TMEM132D: variants seen among roughly 807,000 people sequenced by gnomAD.
TMEM132D encodes transmembrane protein 132D, also known as mature OL transmembrane protein.
In TMEM132D, 21 loss-of-function variants were observed where a neutral mutation model predicts 62.3. The ratio of observed to expected loss-of-function variants is 0.34; its 90% CI spans 0.24 to 0.49. The LOEUF is 0.49. Among genes scored for constraint, TMEM132D ranks in the 20% least tolerant of loss-of-function variants. The probability of loss-of-function intolerance (pLI) is 0.99; values close to 1 mark genes in which losing one functional copy is unlikely to be tolerated. For missense variants in TMEM132D, 1,346 were observed against 1,402.8 expected (o/e 0.96, Z 0.65); for synonymous variants, 621 against 575.6 (o/e 1.08, Z -1.13).
chr12:129,685,895 C>T lies in TMEM132D; in HGVS notation c.968+13915G>A, dbSNP rs74836532. On this transcript the variant is annotated intron_variant, in intron 2 of 8. Coordinates refer to ENST00000422113, the MANE Select transcript of TMEM132D (RefSeq NM_133448.3). The stretch of plus-strand genomic sequence containing the variant: ...GTGGGAACTTCAAGATTAATTACCG[C>T]TTCATTGGATTTTGGACTTACATAG... 5.6e-4 allele frequency among the ~76,000 whole-genome samples: 86 copies of T among 152,332 alleles called. No homozygotes were observed. The East Asian group carries it at 0.016, about 29-fold the overall frequency.
At chr12:129,105,300 A>C (rs2135639419) in intron 5 of TMEM132D, among the ~76,000 whole-genome samples, 1 of 145,692 alleles carries the variant, frequency 6.9e-6, no homozygotes, top group East Asian at 2.0e-4. Context: ...AGAACAAAAA[A>C]CCAAACACCG....
chr12:129,729,411 T>TC (rs1869145034), intron 1 of TMEM132D, among the ~76,000 whole-genome samples: 1 of 152,180 alleles, frequency 6.6e-6, no homozygotes, highest in Non-Finnish European at 1.5e-5. Flanking sequence ...ATCTTTGGCC[T>TC]CTAGTCAATA....
At chr12:129,180,210 GGGA>G (rs61354153) in intron 5 of TMEM132D, among the ~76,000 whole-genome samples, 44 of 149,906 alleles carry the variant, frequency 2.9e-4, no homozygotes, top group Middle Eastern at 3.4e-3. Context: ...ACAGATAGTG[GGGA>G]GGAGGAGGAG....
At chr12:129,340,217 C>A (rs888834075) in intron 3 of TMEM132D, among the ~76,000 whole-genome samples, 5 of 152,114 alleles carry the variant, frequency 3.3e-5, no homozygotes, top group Non-Finnish European at 7.4e-5. Context: ...GATCCCTTTC[C>A]CAGCCAAGAT....
intron 3 of TMEM132D, among the ~76,000 whole-genome samples, chr12:129,399,726 T>C (rs1017556226): frequency 6.6e-6 from 1 of 151,808 alleles, no homozygotes; most frequent in Non-Finnish European, 1.5e-5. Flanking sequence ...AGATATGCAG[T>C]TCTACTAAGA....
At chr12:129,707,158 T>A (rs1483978688) in intron 1 of TMEM132D, among the ~76,000 whole-genome samples, 4 of 148,050 alleles carry the variant, frequency 2.7e-5, no homozygotes, top group South Asian at 2.1e-4. Flanking sequence ...GAAAAATATA[T>A]ATATATATAA....
At chr12:129,557,175 C>A (rs1296187539) in intron 2 of TMEM132D, among the ~76,000 whole-genome samples, 1 of 152,028 alleles carries the variant, frequency 6.6e-6, no homozygotes, top group African/African-American at 2.4e-5. Context: ...TTTACTTATG[C>A]CACAGAATTT....
chr12:129,445,024 T>C (rs748021731), intron 3 of TMEM132D, among the ~76,000 whole-genome samples: 6 of 152,182 alleles, frequency 3.9e-5, no homozygotes, highest in South Asian at 4.1e-4. Flanking sequence ...TAATGACTCA[T>C]GCACATGAAT....
chr12:129,699,668 C>T, intron 2 of TMEM132D, 142 bp downstream of exon 2: 4 of 997,312 alleles, frequency 4.0e-6, no homozygotes, highest in Non-Finnish European at 4.4e-6. Context: ...CTCTGTATTC[C>T]ACGGTGCAGA....
At position 129,461,388 on chromosome 12, in the gene TMEM132D, C is replaced by T. The variant is rs900154819; in HGVS notation, c.1115+69671G>A. Among the ~76,000 whole-genome samples the T allele has an allele frequency of 9.2e-5, 14 of 152,080 alleles. No homozygotes were observed. In the South Asian group the frequency reaches 1.0e-3, roughly 11 times the overall value. On this transcript the variant is annotated intron_variant, in intron 3 of 8. Transcript: ENST00000422113. ...TAGAAATGTGGACTGAGAAACCAGA[C>T]GGAAAGGCTCTGCTAGCCCAGCCAC...
intron 4 of TMEM132D, among the ~76,000 whole-genome samples, chr12:129,236,625 T>G (rs1879794092): frequency 6.6e-6 from 1 of 152,178 alleles, no homozygotes; most frequent in Non-Finnish European, 1.5e-5. Context: ...TAGCAGTTTT[T>G]CGTGGCGTCT....
intron 3 of TMEM132D, among the ~76,000 whole-genome samples, chr12:129,460,441 A>G (rs4759945): frequency 0.86 from 130,519 of 151,768 alleles, 56,303 homozygotes; most frequent in East Asian, 0.94. Flanking sequence ...GGCTGCCGGG[A>G]TCTGAGTAGC....
At chr12:129,195,749 C>T (rs1460796515) in intron 5 of TMEM132D, among the ~76,000 whole-genome samples, 1 of 151,936 alleles carries the variant, frequency 6.6e-6, no homozygotes, top group Non-Finnish European at 1.5e-5. Flanking sequence ...TTTGTGGCCA[C>T]AGAACTAAAA....
At chr12:129,462,754 C>T (rs1257274404) in intron 3 of TMEM132D, among the ~76,000 whole-genome samples, 1 of 152,118 alleles carries the variant, frequency 6.6e-6, no homozygotes, top group Non-Finnish European at 1.5e-5. Flanking sequence ...ATTATTTTGT[C>T]TAATTAATAA....
In TMEM132D at chr12:129,681,367, G is replaced by C. The variant is rs529740790; in HGVS notation, c.968+18443C>G. Reference sequence around the variant, plus strand: ...GGGAGATTCTTCTGCTACACATGGAGCTTGACGGAGGTCACTTGGTGGTAT... The same window carrying C: ...GGGAGATTCTTCTGCTACACATGGACCTTGACGGAGGTCACTTGGTGGTAT... On this transcript the variant is annotated intron_variant, in intron 2 of 8. Transcript: ENST00000422113. 3 of 152,362 alleles carry C rather than the reference G, an allele frequency of 2.0e-5. No homozygotes were observed. The East Asian group carries it at 5.8e-4, about 29-fold the overall frequency. 9.4% of individuals were successfully genotyped at this position (152,362 alleles called of 1,614,324 possible).
chr12:129,897,341 T>A (rs371542099), intron 1 of TMEM132D, among the ~76,000 whole-genome samples: 1 of 152,186 alleles, frequency 6.6e-6, no homozygotes, highest in South Asian at 2.1e-4. Context: ...TGTGTCTTCA[T>A]TCCGCATGCT....
At chr12:129,841,933 G>GT (rs68046668) in intron 1 of TMEM132D, among the ~76,000 whole-genome samples, 19,052 of 136,990 alleles carry the variant, frequency 0.14, 1,787 homozygotes, top group East Asian at 0.53. Flanking sequence ...TGGTTTTCGT[G>GT]TTTTTTTTTT....
rs865997534 is a variant in TMEM132D, at chr12:129,736,848, C to T, written c.80-36150G>A. On this transcript the variant is annotated intron_variant, in intron 1 of 8. Transcript: ENST00000422113. ...TTTTTTTTTTCTGAGACAGAGTTTT[C>T]CTCTGTCACCCAGAGCTGGAGTGCA... 1.1e-4 allele frequency among the ~76,000 whole-genome samples: 15 copies of T among 138,422 alleles called. 1 individual carries two copies. The South Asian group carries it at 3.6e-3, about 33-fold the overall frequency. The allele number at this position is 138,422 out of a possible 152,430, so 90.8% of individuals were successfully genotyped here. A position where few individuals can be genotyped will look rare whatever the true frequency, so the allele number is the denominator to read the frequency against.
intron 3 of TMEM132D, among the ~76,000 whole-genome samples, chr12:129,479,124 T>A (rs764561707): frequency 1.9e-4 from 29 of 152,192 alleles, no homozygotes; most frequent in Non-Finnish European, 3.8e-4. Context: ...GACAAGAGTG[T>A]TCTCTAAATC....
Sources: gnomAD v4.1 joint callset for allele counts (sites outside exome capture counted in the v4.1 genomes callset) on GRCh38, gnomAD v4.1.1 for gene constraint, MANE v1.5 for transcripts, NCBI Gene and HGNC (gene_info 2026-07-23, HGNC 2026-07-21) for gene names.